Variants in PANK3 observed in about 807,000 individuals in gnomAD.
PANK3 encodes the protein pantothenate kinase 3.
Under a neutral mutation model 39.4 loss-of-function variants are expected in PANK3, and 20 were observed. The observed-to-expected ratio is 0.51, with a 90% CI of 0.36 to 0.74. The LOEUF is 0.74. Among genes scored for constraint, PANK3 ranks in the 30% least tolerant of loss-of-function variants. PANK3 has a pLI of 0.00. For missense variants in PANK3, 265 were observed against 437.0 expected, an observed-to-expected ratio of 0.61 and a Z score of 3.51; for synonymous variants, 140 against 157.3, an observed-to-expected ratio of 0.89 and a Z score of 0.82.
At chr5:168,578,418 C>G (rs778036082) in intron 1 of PANK3, among the ~76,000 whole-genome samples, 1 of 152,180 alleles carries the variant, frequency 6.6e-6, no homozygotes, top group Non-Finnish European at 1.5e-5. Flanking sequence ...CAATACGACT[C>G]TAAGATGAGC....
rs1313449980 is a variant in PANK3 at position 168,569,024 on chromosome 5, A to AT, written c.29-27_29-26insA. 4.5e-4 allele frequency: 150 copies of AT among 334,490 alleles called. No individual in the cohort carries two copies. In the African/African-American group the frequency reaches 4.6e-3, roughly 10 times the overall value. 20.7% of individuals were successfully genotyped at this position (334,490 alleles called of 1,614,324 possible). On this transcript the variant is annotated intron_variant, in intron 1 of 6. Coordinates refer to ENST00000239231, the MANE Select transcript of PANK3 (RefSeq NM_024594.4). Reference sequence around the variant, plus strand: ...CTATGGGAGGAAAAAAAAAAAAAAAAAAAAAAATATATATATATATATATA... The same window carrying AT: ...CTATGGGAGGAAAAAAAAAAAAAAAATAAAAAAATATATATATATATATATA...
At chr5:168,565,016 CT>C (rs1374696162) in intron 3 of PANK3, among the ~76,000 whole-genome samples, 2 of 152,160 alleles carry the variant, frequency 1.3e-5, no homozygotes, top group Non-Finnish European at 2.9e-5. Flanking sequence ...AGTTCTACCC[CT>C]GAATCACTGT....
At chr5:168,570,772 T>C (rs1197961271) in intron 1 of PANK3, among the ~76,000 whole-genome samples, 2 of 152,336 alleles carry the variant, frequency 1.3e-5, no homozygotes, top group East Asian at 3.9e-4. Flanking sequence ...GGAACACTAC[T>C]GACGTTCTAA....
At position 168,548,858 on chromosome 5, in the gene PANK3, C is replaced by T. The variant is rs1260078454; in HGVS notation, c.*8713G>A. 1 of 152,174 alleles carries T rather than the reference C, an allele frequency of 6.6e-6. No individual in the cohort carries two copies. Among genetic ancestry groups the T allele is most frequent in the Non-Finnish European group, 1.5e-5 (1 of 68,018 alleles). The allele number at this position is 152,174 out of a possible 1,614,324, so 9.4% of individuals were successfully genotyped here. On this transcript the variant is annotated 3_prime_UTR_variant, in exon 7 of 7. Transcript: ENST00000239231. Reference sequence around the variant, plus strand: ...TGAATAAAATTTATGGCACATCATACATTTTTACATCACAGATTCAGTGTT... The same window carrying T: ...TGAATAAAATTTATGGCACATCATATATTTTTACATCACAGATTCAGTGTT...
chr5:168,579,213 A>G, intron 1 of PANK3, 43 bp downstream of exon 1: 3 of 1,480,072 alleles, frequency 2.0e-6, no homozygotes, highest in Non-Finnish European at 2.7e-6. Flanking sequence ...GACGGGGCCC[A>G]AGGGTGCCCT....
At chr5:168,579,116 C>T in intron 1 of PANK3, 140 bp downstream of exon 1, 3 of 667,150 alleles carry the variant, frequency 4.5e-6, no homozygotes, top group South Asian at 2.8e-5. Context: ...ACTCGTGGCT[C>T]AAATGGTCCC....
At position 168,553,506 on chromosome 5, in the gene PANK3, A is replaced by G. The variant is rs17070328; in HGVS notation, c.*4065T>C. The G allele has an allele frequency of 0.015, 5,430 of 351,944 alleles. 266 individuals are homozygous for G. Among genetic ancestry groups the G allele is most frequent in the African/African-American group, 0.11 (5,067 of 46,632 alleles). 21.8% of individuals were successfully genotyped at this position (351,944 alleles called of 1,614,324 possible). A position where few individuals can be genotyped will look rare whatever the true frequency, so the allele number is the denominator to read the frequency against. ...GAGCCAATCATATCACCATTGGGGA[A>G]GATGGCCACAGACAAGGGCCAGGGG... On this transcript the variant is annotated 3_prime_UTR_variant, in exon 7 of 7. Transcript: ENST00000239231.
At position 168,549,685 on chromosome 5, in the gene PANK3, C is replaced by T. The variant is rs1313121915; in HGVS notation, c.*7886G>A. The T allele has an allele frequency of 6.6e-6, 1 of 152,054 alleles. No homozygotes were observed. The highest frequency in any genetic ancestry group is 2.4e-5 in the African/African-American group (1 of 41,374). The allele number at this position is 152,054 out of a possible 1,614,324, so 9.4% of individuals were successfully genotyped here. A position where few individuals can be genotyped will look rare whatever the true frequency, so the allele number is the denominator to read the frequency against. On this transcript the variant is annotated 3_prime_UTR_variant, in exon 7 of 7. Transcript: ENST00000239231. ...TTCTATAAGAAAAAAACTGATTTACCCCAAACATATCATTCAGCACAAACT... is the reference window on the plus strand; with the variant it reads ...TTCTATAAGAAAAAAACTGATTTACTCCAAACATATCATTCAGCACAAACT...
chr5:168,553,282 G>T lies in PANK3; in HGVS notation c.*4289C>A. The T allele has an allele frequency of 1.9e-6, 1 of 530,914 alleles. No homozygotes were observed. The highest frequency in any genetic ancestry group is 1.4e-5 in the South Asian group (1 of 69,466). The allele number at this position is 530,914 out of a possible 1,614,324, so 32.9% of individuals were successfully genotyped here. A position where few individuals can be genotyped will look rare whatever the true frequency, so the allele number is the denominator to read the frequency against. ...AAAGGTACCCCAAAGGGGAGTAGGCGAGATCTCTCCAATGTACATGGGCAC... is the reference window on the plus strand; with the variant it reads ...AAAGGTACCCCAAAGGGGAGTAGGCTAGATCTCTCCAATGTACATGGGCAC... On this transcript the variant is annotated 3_prime_UTR_variant, in exon 7 of 7. Transcript: ENST00000239231.
chr5:168,569,394 G>A (rs914779753), intron 1 of PANK3, among the ~76,000 whole-genome samples: 4 of 150,358 alleles, frequency 2.7e-5, no homozygotes, highest in South Asian at 2.1e-4. Flanking sequence ...GGGTTTCACC[G>A]TGTTAGCCAG....
intron 5 of PANK3, among the ~76,000 whole-genome samples, chr5:168,560,357 C>A (rs939966846): frequency 6.6e-6 from 1 of 152,200 alleles, no homozygotes; most frequent in Non-Finnish European, 1.5e-5. Flanking sequence ...CTCCTTCAAA[C>A]CTCTGCCTAA....
At chr5:168,564,761 A>G (rs1759499266) in intron 3 of PANK3, among the ~76,000 whole-genome samples, 1 of 152,162 alleles carries the variant, frequency 6.6e-6, no homozygotes, top group Non-Finnish European at 1.5e-5. Flanking sequence ...GTTTCCAAGA[A>G]ATGATTTTGG....
rs1483679847 is a variant in PANK3 at position 168,554,096 on chromosome 5, T to C, written c.*3475A>G. ...ATAGTTCCAAAATTTGTAAAGCCTT[T>C]TACCTGGGAATTTATTCTCTCTTTT... On this transcript the variant is annotated 3_prime_UTR_variant, in exon 7 of 7. Transcript: ENST00000239231. The C allele has an allele frequency of 6.6e-6, 1 of 152,202 alleles. No homozygotes were observed. The highest frequency in any genetic ancestry group is 1.5e-5 in the Non-Finnish European group (1 of 68,046). The allele number at this position is 152,202 out of a possible 1,614,324, so 9.4% of individuals were successfully genotyped here.
chr5:168,548,512 A>T lies in PANK3; in HGVS notation c.*9059T>A, dbSNP rs1759227559. 1 of 152,194 alleles carries T rather than the reference A, an allele frequency of 6.6e-6. No homozygotes were observed. Among genetic ancestry groups the T allele is most frequent in the African/African-American group, 2.4e-5 (1 of 41,452 alleles). 9.4% of individuals were successfully genotyped at this position (152,194 alleles called of 1,614,324 possible). A position where few individuals can be genotyped will look rare whatever the true frequency, so the allele number is the denominator to read the frequency against. Reference sequence around the variant, plus strand: ...GGCACACATAGTAAACAACTTAGATAATTTATTTAGAAAGTAGAAAATAAA... The same window carrying T: ...GGCACACATAGTAAACAACTTAGATTATTTATTTAGAAAGTAGAAAATAAA... On this transcript the variant is annotated 3_prime_UTR_variant, in exon 7 of 7. Transcript: ENST00000239231.
chr5:168,553,161 T>C lies in PANK3; in HGVS notation c.*4410A>G, dbSNP rs1759298217. On this transcript the variant is annotated 3_prime_UTR_variant, in exon 7 of 7. Coordinates refer to ENST00000239231, the MANE Select transcript of PANK3 (RefSeq NM_024594.4). ...CAGCTGGAAGGATGGTAAAGCCCAG[T>C]ATCACTGGGCATAGCTCTTCAGACC... 2.1e-6 allele frequency: 1 copy of C among 470,566 alleles called. No individual in the cohort carries two copies. Among genetic ancestry groups the C allele is most frequent in the African/African-American group, 2.5e-5 (1 of 39,958 alleles). 29.1% of individuals were successfully genotyped at this position (470,566 alleles called of 1,614,324 possible). A position where few individuals can be genotyped will look rare whatever the true frequency, so the allele number is the denominator to read the frequency against.
At position 168,554,507 on chromosome 5, in the gene PANK3, T is replaced by A. The variant is rs758371284; in HGVS notation, c.*3064A>T. On this transcript the variant is annotated 3_prime_UTR_variant, in exon 7 of 7. Transcript: ENST00000239231. ...GCACCCAGCCTCAATTGTTTAAAATTCAGTTTTCTTTACCTGAAGATATGA... is the reference window on the plus strand; with the variant it reads ...GCACCCAGCCTCAATTGTTTAAAATACAGTTTTCTTTACCTGAAGATATGA... The A allele has an allele frequency of 1.3e-5, 2 of 152,202 alleles. No individual in the cohort carries two copies. The highest frequency in any genetic ancestry group is 2.4e-5 in the African/African-American group (1 of 41,456). The allele number at this position is 152,202 out of a possible 1,614,324, so 9.4% of individuals were successfully genotyped here.
At position 168,556,754 on chromosome 5, in the gene PANK3, T is replaced by C. The variant is rs867329590; in HGVS notation, c.*817A>G. The C allele has an allele frequency of 6.6e-6, 1 of 152,626 alleles. No individual in the cohort carries two copies. Among genetic ancestry groups the C allele is most frequent in the African/African-American group, 2.4e-5 (1 of 41,442 alleles). 9.5% of individuals were successfully genotyped at this position (152,626 alleles called of 1,614,324 possible). On this transcript the variant is annotated 3_prime_UTR_variant, in exon 7 of 7. Transcript: ENST00000239231. ...TTTTAAAATAAAAGTTCTGAATGTA[T>C]ATATGACCAAAACAAACAAACAAAA...
At chr5:168,561,552 A>G (rs202013422) in intron 4 of PANK3, 36 bp from the exon 5 acceptor site, 2 of 1,519,536 alleles carry the variant, frequency 1.3e-6, no homozygotes, top group East Asian at 2.3e-5. Flanking sequence ...AAATCTGCTG[A>G]TAAAAAGCAA....
Position 168,559,103 on chromosome 5 carries a change from T to A in PANK3, c.991A>T (p.Met331Leu). ...TCCAGTGCATATGCCAAAAGTTTCA[T>A]TGAGAGGGTATTGACACGTAAAAAG... The part of the protein sequence containing the change: ...GNFLRVNTLS[M>L]KLLAYALDYW... The change falls in exon 6 of 7, where the codon ATG becomes TTG. Residue 331 changes from methionine to leucine, a missense_variant. By Grantham distance (15) the Met-to-Leu change is conservative. Around this residue, in one of 3 missense-constraint regions of PANK3, gnomAD observed 110 missense variants for 161.2 expected, o/e 0.68. Coordinates refer to ENST00000239231, the MANE Select transcript of PANK3 (RefSeq NM_024594.4). The A allele has an allele frequency of 1.2e-6, 2 of 1,607,092 alleles. No individual in the cohort carries two copies. The highest frequency in any genetic ancestry group is 1.1e-5 in the South Asian group (1 of 90,568).
Sources: gnomAD v4.1 joint callset for allele counts (sites outside exome capture counted in the v4.1 genomes callset) on GRCh38, gnomAD v4.1.1 for gene constraint, gnomAD v4.1.1 regional missense constraint, MANE v1.5 for transcripts, NCBI Gene and HGNC (gene_info 2026-07-23, HGNC 2026-07-21) for gene names.